The following ALCAM variants were observed in gnomAD, a reference collection of about 807,000 sequenced individuals.
The protein encoded by ALCAM is CD166 antigen.
ALCAM carries 30 observed loss-of-function variants against 70.9 expected under a neutral mutation model. The ratio of observed to expected loss-of-function variants is 0.42; its 90% CI spans 0.32 to 0.57. The LOEUF is 0.57. Among genes scored for constraint, ALCAM ranks in the 20% least tolerant of loss-of-function variants. The pLI, the probability that ALCAM is intolerant of heterozygous loss-of-function variation, is 0.11. For synonymous variants in ALCAM, 249 were observed against 242.5 expected (o/e 1.03, Z -0.25); for missense variants, 591 against 695.1 (o/e 0.85, Z 1.68).
chr3:105,547,030 AAAG>A, intron 9 of ALCAM, 116 bp from the exon 10 acceptor site: 1 of 838,350 alleles, frequency 1.2e-6, no homozygotes, highest in Non-Finnish European at 1.7e-6. Context: ...AAGTTAAGAA[AAAG>A]AAGTTTGCAT....
intron 1 of ALCAM, among the ~76,000 whole-genome samples, chr3:105,426,393 A>C: frequency 6.6e-6 from 1 of 151,998 alleles, no homozygotes; most frequent in African/African-American, 2.4e-5. Context: ...GGTATGTACC[A>C]TATTTATGGC....
At chr3:105,487,015 T>C (rs1189698905) in intron 1 of ALCAM, among the ~76,000 whole-genome samples, 1 of 143,020 alleles carries the variant, frequency 7.0e-6, no homozygotes, top group Non-Finnish European at 1.5e-5. Flanking sequence ...CAAAATGGGT[T>C]ACTAGTGAAG....
chr3:105,449,122 A>T (rs1346401087), intron 1 of ALCAM, among the ~76,000 whole-genome samples: 1 of 152,236 alleles, frequency 6.6e-6, no homozygotes, highest in Non-Finnish European at 1.5e-5. Context: ...TTGCATATTT[A>T]CATATGAATA....
intron 3 of ALCAM, among the ~76,000 whole-genome samples, chr3:105,529,295 G>A (rs1216492071): frequency 2.6e-5 from 4 of 152,172 alleles, no homozygotes; most frequent in Non-Finnish European, 5.9e-5. Flanking sequence ...CTTTAATGAT[G>A]CAAGTAAATT....
At chr3:105,405,237 A>T (rs1195527111) in intron 1 of ALCAM, among the ~76,000 whole-genome samples, 1 of 136,076 alleles carries the variant, frequency 7.3e-6, no homozygotes, top group East Asian at 2.5e-4. Flanking sequence ...AGATCATACT[A>T]TTGCACTCCA....
chr3:105,512,726 G>A (rs1266102467), intron 1 of ALCAM, among the ~76,000 whole-genome samples: 1 of 151,810 alleles, frequency 6.6e-6, no homozygotes, highest in Non-Finnish European at 1.5e-5. Flanking sequence ...AAATGAATCA[G>A]GGGAGAGGGG....
intron 1 of ALCAM, among the ~76,000 whole-genome samples, chr3:105,395,556 A>C (rs558895682): frequency 5.9e-5 from 9 of 151,954 alleles, no homozygotes; most frequent in Admixed American, 5.9e-4. Flanking sequence ...CTTTTCTTTT[A>C]CTATTAAGTT....
At chr3:105,481,666 C>T (rs1037797412) in intron 1 of ALCAM, among the ~76,000 whole-genome samples, 7 of 151,972 alleles carry the variant, frequency 4.6e-5, no homozygotes, top group Non-Finnish European at 7.4e-5. Context: ...GGAACCAAAC[C>T]GAGGAGATTT....
intron 1 of ALCAM, among the ~76,000 whole-genome samples, chr3:105,406,600 C>A (rs560537251): frequency 6.6e-6 from 1 of 151,690 alleles, no homozygotes; most frequent in South Asian, 2.1e-4. Context: ...TTTGAAAAAG[C>A]ACAAATAGAC....
intron 1 of ALCAM, among the ~76,000 whole-genome samples, chr3:105,387,420 T>C (rs1374725373): frequency 6.6e-6 from 1 of 151,146 alleles, no homozygotes; most frequent in Non-Finnish European, 1.5e-5. Flanking sequence ...AAGGTACTAC[T>C]AACTTAAAAA....
intron 1 of ALCAM, among the ~76,000 whole-genome samples, chr3:105,477,184 T>G (rs1307335373): frequency 6.6e-6 from 1 of 152,104 alleles, no homozygotes; most frequent in African/African-American, 2.4e-5. Flanking sequence ...TGTATATGTA[T>G]TTTAGAAAAA....
intron 14 of ALCAM, among the ~76,000 whole-genome samples, chr3:105,565,461 G>A (rs1940723525): frequency 1.3e-5 from 2 of 151,992 alleles, no homozygotes; most frequent in Admixed American, 6.6e-5. Flanking sequence ...GTGTTTCTCA[G>A]TCCTAAATAT....
At chr3:105,479,135 A>G (rs186998301) in intron 1 of ALCAM, among the ~76,000 whole-genome samples, 1 of 152,214 alleles carries the variant, frequency 6.6e-6, no homozygotes, top group African/African-American at 2.4e-5. Flanking sequence ...TTCTTTAAAT[A>G]AAATTCATAT....
chr3:105,563,667 C>CTTT lies in ALCAM; in HGVS notation c.1665-8156_1665-8154dup, dbSNP rs749625480. Among the ~76,000 whole-genome samples, 48 of 52,044 alleles carry CTTT rather than the reference C, an allele frequency of 9.2e-4. 6 individuals are homozygous for CTTT. The highest frequency in any genetic ancestry group is 3.7e-3 in the African/African-American group (37 of 9,896). The allele number at this position is 52,044 out of a possible 152,430, so 34.1% of individuals were successfully genotyped here. Reference sequence around the variant, plus strand: ...GACCTGTATGAAATTCCAAGCATTTCTTTTTTTTTTTTTTTTTTTTTTTTT... The same window carrying CTTT: ...GACCTGTATGAAATTCCAAGCATTTCTTTTTTTTTTTTTTTTTTTTTTTTTTTT... On this transcript the variant is annotated intron_variant, in intron 14 of 15. Coordinates refer to ENST00000306107, the MANE Select transcript of ALCAM (RefSeq NM_001627.4).
intron 1 of ALCAM, among the ~76,000 whole-genome samples, chr3:105,493,188 T>C (rs1432163514): frequency 1.3e-5 from 2 of 152,196 alleles, no homozygotes; most frequent in Admixed American, 6.5e-5. Flanking sequence ...TCATTTCACA[T>C]AATTTGGTCT....
intron 1 of ALCAM, among the ~76,000 whole-genome samples, chr3:105,423,188 T>C (rs1236836116): frequency 1.3e-5 from 2 of 151,430 alleles, no homozygotes; most frequent in African/African-American, 4.8e-5. Flanking sequence ...TATATTATAA[T>C]GTCTTTAGTT....
chr3:105,406,677 A>G (rs1936239887), intron 1 of ALCAM, among the ~76,000 whole-genome samples: 1 of 152,208 alleles, frequency 6.6e-6, no homozygotes, highest in South Asian at 2.1e-4. Flanking sequence ...CAGCCGAAGA[A>G]AAGAAATAAC....
chr3:105,529,285 C>T (rs1939780909), intron 3 of ALCAM, among the ~76,000 whole-genome samples: 1 of 152,188 alleles, frequency 6.6e-6, no homozygotes, highest in Non-Finnish European at 1.5e-5. Flanking sequence ...GACTAAATTA[C>T]TTTAATGATG....
intron 1 of ALCAM, among the ~76,000 whole-genome samples, chr3:105,394,538 C>G (rs1451310581): frequency 1.3e-5 from 2 of 151,936 alleles, no homozygotes; most frequent in African/African-American, 4.8e-5. Context: ...TAGATGCCTT[C>G]CAGCTAGTCT....
Sources: gnomAD v4.1 joint callset for allele counts (sites outside exome capture counted in the v4.1 genomes callset) on GRCh38, gnomAD v4.1.1 for gene constraint, MANE v1.5 for transcripts, NCBI Gene and HGNC (gene_info 2026-07-23, HGNC 2026-07-21) for gene names.